The following KDM5C variants were observed in gnomAD, a reference collection of about 807,000 sequenced individuals.
The protein encoded by KDM5C is lysine demethylase 5C.
A neutral mutation model predicts 110.6 loss-of-function variants in KDM5C; 16 were observed. The ratio of observed to expected loss-of-function variants is 0.14; its 90% CI spans 0.10 to 0.22. The LOEUF is 0.22. Ranked by LOEUF, KDM5C falls within the 10% of genes least tolerant of loss-of-function variation. The pLI is 1.00. For synonymous variants in KDM5C, 511 were observed against 520.4 expected (o/e 0.98, Z 0.24); for missense variants, 681 against 1,300.9 (o/e 0.52, Z 7.33).
chrX:53,213,589 A>G (rs1556850162), intron 8 of KDM5C, among the ~76,000 whole-genome samples: 1 of 111,505 alleles, frequency 9.0e-6, no homozygotes, highest in African/African-American at 3.3e-5. Flanking sequence ...CTATACCCAT[A>G]GTAGGCATGC....
rs1205892448 is a variant in KDM5C, at chrX:53,194,238, T to C, written c.3939A>G (p.Gln1313=). The C allele has an allele frequency of 8.3e-7, 1 of 1,210,749 alleles. No individual in the cohort carries two copies. Among genetic ancestry groups the C allele is most frequent in the Non-Finnish European group, 1.1e-6 (1 of 895,249 alleles). ...ALLGRLAELR[Q]RLQAEPRPEE... is the part of the protein sequence containing the mutation. ...CAGGTCTAGGTTCAGCCTGTAGCCG[T>C]TGGCGGAGCTCAGCCAGCCGTCCCA... The change falls in exon 23 of 26, where the codon CAA becomes CAG. Residue 1313 remains glutamine (Q), a synonymous_variant. Coordinates refer to ENST00000375401, the MANE Select transcript of KDM5C (RefSeq NM_004187.5).
chrX:53,211,473 C>T (rs782413109), intron 10 of KDM5C, 24 bp downstream of exon 10: 14 of 1,206,697 alleles, frequency 1.2e-5, no homozygotes, highest in South Asian at 8.8e-5. Context: ...ACAGCTGACA[C>T]GTAACCATGA....
chrX:53,217,842 C>T lies in KDM5C; in HGVS notation c.476G>A (p.Arg159His), dbSNP rs2146950358. 3.3e-6 allele frequency: 4 copies of T among 1,211,439 alleles called. No individual in the cohort carries two copies. Among genetic ancestry groups the T allele is most frequent in the African/African-American group, 1.7e-5 (1 of 57,711 alleles). ...GTACATTTCATAGGGATAAACAATG[C>T]GTTCGTAGTGGGAGCGTAGCAAGGA... ...IGSLLRSHYE[R>H]IVYPYEMYQS... The change falls in exon 4 of 26, where the codon CGC becomes CAC. Residue 159 changes from arginine to histidine, a missense_variant. By Grantham distance (29) the Arg-to-His change is conservative. Transcript: ENST00000375401.
chrX:53,218,150 T>C (rs2073799573), intron 3 of KDM5C, 126 bp downstream of exon 3: 1 of 912,424 alleles, frequency 1.1e-6, no homozygotes, highest in Non-Finnish European at 1.6e-6. Flanking sequence ...TGACAGCTTG[T>C]GTGCTACCAA....
chrX:53,211,991 G>A, intron 8 of KDM5C, 85 bp from the exon 9 acceptor site: 1 of 1,122,459 alleles, frequency 8.9e-7, no homozygotes, highest in Non-Finnish European at 1.2e-6. Context: ...ATAAGGGGTA[G>A]GGAGGGAGAA....
chrX:53,183,582 T>G (rs782598132), intron 25 of KDM5C, among the ~76,000 whole-genome samples: 2 of 107,812 alleles, frequency 1.9e-5, no homozygotes. Context: ...TTTCTTTTTT[T>G]TTTTGAGACG....
At chrX:53,177,920 G>A (rs1444965018) in intron 25 of KDM5C, among the ~76,000 whole-genome samples, 1 of 111,573 alleles carries the variant, frequency 9.0e-6, no homozygotes, top group Non-Finnish European at 1.9e-5. Flanking sequence ...GTACAGTGGC[G>A]TGATCACGGC....
intron 7 of KDM5C, among the ~76,000 whole-genome samples, chrX:53,215,409 G>A (rs782698658): frequency 2.7e-5 from 3 of 112,337 alleles, no homozygotes; most frequent in South Asian, 3.7e-4. Flanking sequence ...TGCATCTTAC[G>A]GGGAAAAATG....
At chrX:53,218,524 A>T in intron 2 of KDM5C, 126 bp from the exon 3 acceptor site, 1 of 805,492 alleles carries the variant, frequency 1.2e-6, no homozygotes. Flanking sequence ...GTTTCTCCCA[A>T]TGAACCGGAT....
intron 2 of KDM5C, among the ~76,000 whole-genome samples, chrX:53,219,813 T>C (rs1556853874): frequency 8.9e-6 from 1 of 112,385 alleles, no homozygotes; most frequent in Non-Finnish European, 1.9e-5. Flanking sequence ...TCCTTCTTAT[T>C]AGTCAGCACT....
In KDM5C at chrX:53,193,420, A is replaced by T; in HGVS notation, c.4317+17T>A. The T allele has an allele frequency of 8.3e-7, 1 of 1,210,873 alleles. No individual in the cohort carries two copies. Among genetic ancestry groups the T allele is most frequent in the Non-Finnish European group, 1.1e-6 (1 of 895,117 alleles). On this transcript the variant is annotated intron_variant, in intron 25 of 25. Transcript: ENST00000375401. ...TCGGCCTGACCTCCTGGCCCGGCCC[A>T]TGACCCCTCTCCTCACCTCCAGAAG...
At chrX:53,215,357 G>A (rs1408173093) in intron 7 of KDM5C, among the ~76,000 whole-genome samples, 1 of 112,092 alleles carries the variant, frequency 8.9e-6, no homozygotes, top group African/African-American at 3.2e-5. Flanking sequence ...CTTCCAGGCT[G>A]AAGAAACAAC....
chrX:53,211,726 A>G, intron 9 of KDM5C, 61 bp downstream of exon 9: 1 of 1,206,994 alleles, frequency 8.3e-7, no homozygotes, highest in Non-Finnish European at 1.1e-6. Context: ...GTGAGCTGAG[A>G]CCATCTGGCA....
At chrX:53,191,930 G>C (rs1444459067), downstream of KDM5C, 1 of 174,390 alleles carries the variant, frequency 5.7e-6, no homozygotes, top group Non-Finnish European at 1.1e-5. Context: ...GTTTGGGTGA[G>C]GGGGCCCGAG....
rs2146834673 is a variant in KDM5C at position 53,196,061 on chromosome X, G to A, written c.2982-7C>T. On this transcript the variant is annotated splice_region_variant and splice_polypyrimidine_tract_variant and intron_variant, in intron 19 of 25. Coordinates refer to ENST00000375401, the MANE Select transcript of KDM5C (RefSeq NM_004187.5). Reference sequence around the variant, plus strand: ...GGCTGGTGGATGCTTCTGCCTAAAGGTAAGGAAAAAAAGAACGCTCAGTCT... The same window carrying A: ...GGCTGGTGGATGCTTCTGCCTAAAGATAAGGAAAAAAAGAACGCTCAGTCT... 8.3e-7 allele frequency: 1 copy of A among 1,211,543 alleles called. No individual in the cohort carries two copies.
At chrX:53,202,797 T>C (rs2073184699) in intron 12 of KDM5C, 1 of 111,870 alleles carries the variant, frequency 8.9e-6, no homozygotes, top group Admixed American at 9.5e-5. Flanking sequence ...CTTGACTGTA[T>C]ATAGAATTCT....
Position 53,201,942 on chromosome X carries a change from A to G in KDM5C, c.1778T>C (p.Phe593Ser), listed in dbSNP as rs2146868729. The G allele has an allele frequency of 8.3e-7, 1 of 1,210,460 alleles. No homozygotes were observed. The highest frequency in any genetic ancestry group is 1.8e-5 in the South Asian group (1 of 56,899). The change falls in exon 13 of 26, where the codon TTT becomes TCT. Residue 593 changes from phenylalanine (F) to serine (S), a missense_variant. Transcript: ENST00000375401. ...VVRTNQCAGEFVITFPRAYHS... is the reference protein window; with the variant it reads ...VVRTNQCAGESVITFPRAYHS... Reference sequence around the variant, plus strand: ...GTAAGCACGGGGGAAGGTGATGACAAACTCTCCTGCACACTGGTTTGTGCG... The same window carrying G: ...GTAAGCACGGGGGAAGGTGATGACAGACTCTCCTGCACACTGGTTTGTGCG...
In KDM5C at chrX:53,215,805, T is replaced by C; in HGVS notation, c.953A>G (p.Asn318Ser). The C allele has an allele frequency of 8.3e-7, 1 of 1,211,464 alleles. No homozygotes were observed. Among genetic ancestry groups the C allele is most frequent in the East Asian group, 3.0e-5 (1 of 33,827 alleles). Residue 318 changes from asparagine to serine, a missense_variant, in exon 7 of 26, where the codon AAT becomes AGT. Asn to Ser is a conservative substitution (Grantham distance 46, BLOSUM62 1). Around this residue, in one of 14 missense-constraint regions of KDM5C, gnomAD observed 71 missense variants for 115.0 expected, o/e 0.62. Transcript: ENST00000375401. ...MTMRLRRNHS[N>S]AQFIESYVCR... ...GGGCTGGGTCCTTACAAACTGGGCATTGCTGTGGTTCCTCCGTAGCCTCAT... is the reference window on the plus strand; with the variant it reads ...GGGCTGGGTCCTTACAAACTGGGCACTGCTGTGGTTCCTCCGTAGCCTCAT...
chrX:53,210,645 T>G, intron 11 of KDM5C, 31 bp downstream of exon 11: 1 of 1,209,638 alleles, frequency 8.3e-7, no homozygotes, highest in Non-Finnish European at 1.1e-6. Flanking sequence ...CACACTGACT[T>G]GATTCCCTGG....
Sources: gnomAD v4.1 joint callset for allele counts (sites outside exome capture counted in the v4.1 genomes callset) on GRCh38, gnomAD v4.1.1 for gene constraint, gnomAD v4.1.1 regional missense constraint, MANE v1.5 for transcripts, NCBI Gene and HGNC (gene_info 2026-07-23, HGNC 2026-07-21) for gene names.